F2R: variants seen among roughly 807,000 people sequenced by gnomAD.
F2R encodes proteinase-activated receptor 1.
A neutral mutation model predicts 18.3 loss-of-function variants in F2R; 12 were observed. The ratio of observed to expected loss-of-function variants is 0.66; its 90% confidence interval spans 0.42 to 1.06. The LOEUF (loss-of-function observed/expected upper bound fraction) is 1.06. Ranked by LOEUF, F2R falls within the 50% of genes least tolerant of loss-of-function variation. The pLI is 0.00. For missense variants in F2R, 438 were observed against 530.8 expected, an observed-to-expected ratio of 0.83 and a Z score of 1.72; for synonymous variants, 210 against 219.9, an observed-to-expected ratio of 0.95 and a Z score of 0.40.
chr5:76,728,392 T>G (rs375111705), intron 1 of F2R, among the ~76,000 whole-genome samples: 1 of 152,190 alleles, frequency 6.6e-6, no homozygotes, highest in African/African-American at 2.4e-5. Flanking sequence ...TTCTCTTCTC[T>G]GCTTCCATGA....
At chr5:76,731,544 T>A (rs2150583384) in intron 1 of F2R, among the ~76,000 whole-genome samples, 1 of 152,140 alleles carries the variant, frequency 6.6e-6, no homozygotes, top group East Asian at 1.9e-4. Context: ...TATTTTTATT[T>A]TTTGAGACGG....
chr5:76,733,024 T>C lies in F2R; in HGVS notation c.799T>C (p.Tyr267His), dbSNP rs1377835286. Residue 267 changes from tyrosine to histidine, a missense_variant, in exon 2 of 2, where the codon TAT becomes CAT. Tyr to His is a moderately conservative substitution (Grantham distance 83). Transcript: ENST00000319211. ...VLNETLLEGYYAYYFSAFSAV... is the reference protein window; with the variant it reads ...VLNETLLEGYHAYYFSAFSAV... Reference sequence around the variant, plus strand: ...CAATGAAACCCTGCTCGAAGGCTACTATGCCTACTACTTCTCAGCCTTCTC... The same window carrying C: ...CAATGAAACCCTGCTCGAAGGCTACCATGCCTACTACTTCTCAGCCTTCTC... 1 of 1,614,218 alleles carries C rather than the reference T, an allele frequency of 6.2e-7. No individual in the cohort carries two copies. The highest frequency in any genetic ancestry group is 1.7e-5 in the Admixed American group (1 of 60,026).
chr5:76,732,374 A>G lies in F2R; in HGVS notation c.149A>G (p.Asp50Gly), dbSNP rs1197048236. 1 of 1,614,126 alleles carries G rather than the reference A, an allele frequency of 6.2e-7. No homozygotes were observed. The highest frequency in any genetic ancestry group is 8.5e-7 in the Non-Finnish European group (1 of 1,180,024). Residue 50 changes from aspartate to glycine, a missense_variant, in exon 2 of 2, where the codon GAT becomes GGT. Coordinates refer to ENST00000319211, the MANE Select transcript of F2R (RefSeq NM_001992.5). ...TCATTTCTTCTCAGGAACCCCAATGATAAATATGAACCATTTTGGGAGGAT... is the reference window on the plus strand; with the variant it reads ...TCATTTCTTCTCAGGAACCCCAATGGTAAATATGAACCATTTTGGGAGGAT... ...PRSFLLRNPN[D>G]KYEPFWEDEE...
At chr5:76,723,374 C>T (rs1748502032) in intron 1 of F2R, among the ~76,000 whole-genome samples, 1 of 152,196 alleles carries the variant, frequency 6.6e-6, no homozygotes, top group Non-Finnish European at 1.5e-5. Flanking sequence ...ACCTTTGGAG[C>T]TGGGCAGACC....
intron 1 of F2R, among the ~76,000 whole-genome samples, chr5:76,730,933 A>C (rs1748656261): frequency 6.6e-6 from 1 of 152,218 alleles, no homozygotes; most frequent in Admixed American, 6.5e-5. Flanking sequence ...CATGGTAGAG[A>C]TGCATAGGGC....
chr5:76,726,764 G>T (rs1311534614), intron 1 of F2R, among the ~76,000 whole-genome samples: 4 of 152,046 alleles, frequency 2.6e-5, no homozygotes, highest in Non-Finnish European at 5.9e-5. Flanking sequence ...ATATTAAAGT[G>T]CCAGAACCAC....
chr5:76,721,827 A>G (rs1412999908), intron 1 of F2R, among the ~76,000 whole-genome samples: 1 of 149,980 alleles, frequency 6.7e-6, no homozygotes, highest in Non-Finnish European at 1.5e-5. Flanking sequence ...GCATTTTGAT[A>G]TTTTCCACAA....
chr5:76,720,594 C>T (rs908865956), intron 1 of F2R, among the ~76,000 whole-genome samples: 11 of 151,880 alleles, frequency 7.2e-5, no homozygotes, highest in Non-Finnish European at 4.4e-5. Context: ...GTACAATGTA[C>T]ACTGTAAACC....
intron 1 of F2R, among the ~76,000 whole-genome samples, chr5:76,718,933 A>G (rs1746169374): frequency 2.0e-5 from 3 of 152,114 alleles, no homozygotes; most frequent in Non-Finnish European, 4.4e-5. Context: ...CATGGAATGA[A>G]GTGCTCCTCC....
At chr5:76,724,593 T>A (rs1421208996) in intron 1 of F2R, among the ~76,000 whole-genome samples, 1 of 146,920 alleles carries the variant, frequency 6.8e-6, no homozygotes, top group Non-Finnish European at 1.5e-5. Flanking sequence ...AACTAAGCCA[T>A]CTGTCTTTTC....
At chr5:76,726,401 G>A (rs1748553785) in intron 1 of F2R, among the ~76,000 whole-genome samples, 1 of 152,058 alleles carries the variant, frequency 6.6e-6, no homozygotes. Flanking sequence ...CGCGGTGGCA[G>A]GCACCTGTAG....
intron 1 of F2R, among the ~76,000 whole-genome samples, chr5:76,719,637 C>T (rs1015984929): frequency 3.9e-5 from 6 of 152,018 alleles, no homozygotes; most frequent in African/African-American, 1.4e-4. Flanking sequence ...CCTGTCTCTC[C>T]GAAGTGCAGG....
chr5:76,725,499 C>T (rs1748537427), intron 1 of F2R, among the ~76,000 whole-genome samples: 1 of 151,868 alleles, frequency 6.6e-6, no homozygotes, highest in African/African-American at 2.4e-5. Context: ...CTGAGTTGTG[C>T]TAGGACTGGA....
intron 1 of F2R, among the ~76,000 whole-genome samples, chr5:76,718,245 C>T (rs2227822): frequency 1.1e-4 from 16 of 152,220 alleles, no homozygotes; most frequent in Non-Finnish European, 1.9e-4. Context: ...GTCCACCCAC[C>T]CTGGGTGCAA....
chr5:76,722,615 G>T (rs1004487444), intron 1 of F2R, among the ~76,000 whole-genome samples: 1 of 152,188 alleles, frequency 6.6e-6, no homozygotes. Context: ...AGGAGAGGAG[G>T]CCTCTGATAT....
In F2R at chr5:76,716,314, C is replaced by A. The variant is rs374640048; in HGVS notation, c.7C>A (p.Pro3Thr). The change falls in exon 1 of 2, where the codon CCG becomes ACG. Residue 3 changes from proline to threonine, a missense_variant. Transcript: ENST00000319211. MG[P>T]RRLLLVAACF... ...CCGCGCAGAGCCCGGGACAATGGGGCCGCGGCGGCTGCTGCTGGTGGCCGC... is the reference window on the plus strand; with the variant it reads ...CCGCGCAGAGCCCGGGACAATGGGGACGCGGCGGCTGCTGCTGGTGGCCGC... The A allele has an allele frequency of 9.9e-6, 14 of 1,409,708 alleles. No homozygotes were observed. In the East Asian group the frequency reaches 1.2e-4, roughly 12 times the overall value. The allele number at this position is 1,409,708 out of a possible 1,614,324, so 87.3% of individuals were successfully genotyped here. A position where few individuals can be genotyped will look rare whatever the true frequency, so the allele number is the denominator to read the frequency against.
At chr5:76,722,388 C>T (rs1017120596) in intron 1 of F2R, among the ~76,000 whole-genome samples, 1 of 152,166 alleles carries the variant, frequency 6.6e-6, no homozygotes, top group Non-Finnish European at 1.5e-5. Flanking sequence ...GAGTAGTTCC[C>T]GGGCAAGGCC....
At chr5:76,720,857 G>C (rs531633960) in intron 1 of F2R, among the ~76,000 whole-genome samples, 7 of 152,144 alleles carry the variant, frequency 4.6e-5, no homozygotes, top group Non-Finnish European at 1.0e-4. Context: ...ACTCAGGCTG[G>C]AGTGCAGAGG....
intron 1 of F2R, among the ~76,000 whole-genome samples, chr5:76,731,523 T>A (rs538808043): frequency 2.2e-3 from 329 of 150,938 alleles, no homozygotes; most frequent in African/African-American, 6.6e-3. Flanking sequence ...TTTTTTTTTT[T>A]AATTTCTATT....
Sources: gnomAD v4.1 joint callset for allele counts (sites outside exome capture counted in the v4.1 genomes callset) on GRCh38, gnomAD v4.1.1 for gene constraint, MANE v1.5 for transcripts, NCBI Gene and HGNC (gene_info 2026-07-23, HGNC 2026-07-21) for gene names.